The following SGCZ variants were observed in gnomAD, a reference collection of about 807,000 sequenced individuals.
SGCZ encodes sarcoglycan zeta.
In SGCZ, 40 loss-of-function variants were observed where a neutral mutation model predicts 41.3. The observed-to-expected ratio is 0.97, with a 90% CI of 0.75 to 1.26. The LOEUF is 1.26. Among genes scored for constraint, SGCZ ranks in the 50% most tolerant of loss-of-function variants. SGCZ has a pLI of 0.00. For synonymous variants in SGCZ, 206 were observed against 137.5 expected (o/e 1.50, Z -3.49); for missense variants, 552 against 369.8 (o/e 1.49, Z -4.04).
At chr8:14,460,335 T>C (rs1800866563) in intron 2 of SGCZ, among the ~76,000 whole-genome samples, 1 of 152,134 alleles carries the variant, frequency 6.6e-6, no homozygotes, top group Non-Finnish European at 1.5e-5. Context: ...AAAGCCTAAA[T>C]TCAGAAACCA....
chr8:15,141,063 T>A (rs983359206), intron 1 of SGCZ, among the ~76,000 whole-genome samples: 13 of 152,258 alleles, frequency 8.5e-5, no homozygotes, highest in Non-Finnish European at 1.9e-4. Context: ...TTTTCCCATG[T>A]TCCTTTTGCC....
intron 1 of SGCZ, among the ~76,000 whole-genome samples, chr8:14,766,620 A>G (rs1800043395): frequency 6.6e-6 from 1 of 151,550 alleles, no homozygotes; most frequent in Non-Finnish European, 1.5e-5. Flanking sequence ...GGAGTGCAGT[A>G]CTGCGATCTC....
chr8:14,841,627 T>C lies in SGCZ; in HGVS notation c.40-286701A>G, dbSNP rs554672187. 5.9e-4 allele frequency among the ~76,000 whole-genome samples: 90 copies of C among 152,254 alleles called. 1 individual carries two copies. The highest frequency in any genetic ancestry group is 2.0e-3 in the African/African-American group (84 of 41,554). ...GCGTTAAACTAAGGAATACTTGGAATGTTATTATGTCGATGGCCAAGAGTT... is the reference window on the plus strand; with the variant it reads ...GCGTTAAACTAAGGAATACTTGGAACGTTATTATGTCGATGGCCAAGAGTT... On this transcript the variant is annotated intron_variant, in intron 1 of 7. Transcript: ENST00000382080.
chr8:14,536,663 A>G (rs192727556), intron 2 of SGCZ, among the ~76,000 whole-genome samples: 1 of 151,902 alleles, frequency 6.6e-6, no homozygotes, highest in Non-Finnish European at 1.5e-5. Flanking sequence ...GCACTTAAAC[A>G]TAATTCCTTT....
intron 1 of SGCZ, among the ~76,000 whole-genome samples, chr8:15,079,245 C>T (rs1326406414): frequency 6.6e-6 from 1 of 152,096 alleles, no homozygotes; most frequent in African/African-American, 2.4e-5. Context: ...CAGGAATGTA[C>T]CCCAAGATTT....
chr8:14,794,361 T>A (rs1585265806), intron 1 of SGCZ, among the ~76,000 whole-genome samples: 4 of 152,140 alleles, frequency 2.6e-5, no homozygotes, highest in Non-Finnish European at 5.9e-5. Context: ...TGAGAAAATA[T>A]ACTGCAGGAT....
chr8:14,593,428 C>A (rs750337482), intron 1 of SGCZ, among the ~76,000 whole-genome samples: 3 of 152,130 alleles, frequency 2.0e-5, no homozygotes, highest in South Asian at 2.1e-4. Context: ...ATCTCCAGAA[C>A]GGTAACAGAA....
At chr8:14,687,968 T>C (rs919263384) in intron 1 of SGCZ, among the ~76,000 whole-genome samples, 2 of 152,234 alleles carry the variant, frequency 1.3e-5, no homozygotes, top group Non-Finnish European at 2.9e-5. Context: ...TTTTTTCATG[T>C]GTTTTTTGGC....
intron 1 of SGCZ, among the ~76,000 whole-genome samples, chr8:14,697,875 T>C (rs1271738353): frequency 6.6e-6 from 1 of 152,036 alleles, no homozygotes; most frequent in Non-Finnish European, 1.5e-5. Context: ...TTGAAATTCT[T>C]GGTTGCTTTC....
At chr8:14,598,433 TTTTG>T (rs1294374620) in intron 1 of SGCZ, among the ~76,000 whole-genome samples, 2 of 152,070 alleles carry the variant, frequency 1.3e-5, no homozygotes, top group African/African-American at 4.8e-5. Flanking sequence ...TCAGGAAAAA[TTTTG>T]TTTGTGTGTA....
intron 1 of SGCZ, among the ~76,000 whole-genome samples, chr8:14,940,071 G>T (rs548925110): frequency 6.6e-6 from 1 of 152,090 alleles, no homozygotes; most frequent in Admixed American, 6.6e-5. Flanking sequence ...TGTTCTTAAG[G>T]GCCACTCTTA....
At chr8:15,222,419 T>C (rs1393338138) in intron 1 of SGCZ, among the ~76,000 whole-genome samples, 3 of 151,974 alleles carry the variant, frequency 2.0e-5, no homozygotes, top group African/African-American at 7.2e-5. Flanking sequence ...CCAGTTTTTC[T>C]GTCATGGAAA....
At chr8:14,899,514 T>C (rs1015858250) in intron 1 of SGCZ, among the ~76,000 whole-genome samples, 2 of 152,202 alleles carry the variant, frequency 1.3e-5, no homozygotes, top group Non-Finnish European at 2.9e-5. Context: ...AGCCATTTCC[T>C]CAACAGACTA....
chr8:15,005,723 A>G (rs1228454481), intron 1 of SGCZ, among the ~76,000 whole-genome samples: 3 of 151,916 alleles, frequency 2.0e-5, no homozygotes, highest in African/African-American at 7.3e-5. Flanking sequence ...TAAAGTCTTC[A>G]TAAGAAGCAA....
At chr8:14,376,922 C>T (rs1045155334) in intron 2 of SGCZ, among the ~76,000 whole-genome samples, 8 of 152,196 alleles carry the variant, frequency 5.3e-5, no homozygotes, top group Admixed American at 3.3e-4. Flanking sequence ...ATAAGAAATA[C>T]ATATTTAGTC....
chr8:14,232,633 G>T (rs1841910), intron 4 of SGCZ, among the ~76,000 whole-genome samples: 90,414 of 151,576 alleles, frequency 0.6, 27,485 homozygotes, highest in South Asian at 0.77. Context: ...TTAAGTTTTA[G>T]GGTACAAGTG....
intron 1 of SGCZ, among the ~76,000 whole-genome samples, chr8:14,644,431 A>C (rs557286344): frequency 1.1e-4 from 17 of 151,934 alleles, no homozygotes; most frequent in Middle Eastern, 3.4e-3. Flanking sequence ...ACTCTTACCC[A>C]AGTTTCCAGT....
At chr8:15,227,389 C>A (rs191318238) in intron 1 of SGCZ, among the ~76,000 whole-genome samples, 103 of 152,190 alleles carry the variant, frequency 6.8e-4, no homozygotes, top group African/African-American at 2.3e-3. Context: ...TAAATTCTTG[C>A]TAATAATTCA....
chr8:14,680,306 T>G (rs566060450), intron 1 of SGCZ, among the ~76,000 whole-genome samples: 1 of 152,014 alleles, frequency 6.6e-6, no homozygotes, highest in Non-Finnish European at 1.5e-5. Context: ...ACAAAACCCA[T>G]AGAACATACA....
Sources: gnomAD v4.1 joint callset for allele counts (sites outside exome capture counted in the v4.1 genomes callset) on GRCh38, gnomAD v4.1.1 for gene constraint, MANE v1.5 for transcripts, NCBI Gene and HGNC (gene_info 2026-07-23, HGNC 2026-07-21) for gene names.